Variants in IL1RAP observed in about 807,000 individuals in gnomAD.
The protein encoded by IL1RAP is interleukin 1 receptor accessory protein, also known as interleukin-1 receptor accessory protein.
IL1RAP carries 35 observed loss-of-function variants against 60.7 expected under a neutral mutation model. The observed-to-expected ratio is 0.58, with a 90% CI of 0.44 to 0.76. The LOEUF (loss-of-function observed/expected upper bound fraction) is 0.76, where lower values mean the gene tolerates loss of function less well. IL1RAP is among the 30% of genes least tolerant of loss of function. IL1RAP has a pLI of 0.00. For synonymous variants in IL1RAP, 268 were observed against 250.9 expected, an observed-to-expected ratio of 1.07 and a Z score of -0.64; for missense variants, 572 against 693.9, an observed-to-expected ratio of 0.82 and a Z score of 1.97.
intron 3 of IL1RAP, among the ~76,000 whole-genome samples, chr3:190,574,006 A>G (rs1230819948): frequency 1.3e-5 from 2 of 152,186 alleles, no homozygotes; most frequent in Non-Finnish European, 2.9e-5. Flanking sequence ...TAATATCACT[A>G]TAGAAGTAAG....
Position 190,573,184 on chromosome 3 carries a change from A to T in IL1RAP, c.64+8831A>T, listed in dbSNP as rs1343545400. Among the ~76,000 whole-genome samples the T allele has an allele frequency of 2.0e-5, 3 of 152,230 alleles. No individual in the cohort carries two copies. In the East Asian group the frequency reaches 5.8e-4, roughly 29 times the overall value. On this transcript the variant is annotated intron_variant, in intron 3 of 11. Transcript: ENST00000447382. Reference sequence around the variant, plus strand: ...AATCAGGATACTTTTATTCTGAAAAAAAGTGTACAGCAGAGATGGTGGAGA... The same window carrying T: ...AATCAGGATACTTTTATTCTGAAAATAAGTGTACAGCAGAGATGGTGGAGA...
intron 1 of IL1RAP, among the ~76,000 whole-genome samples, chr3:190,514,566 T>G (rs1183763351): frequency 6.9e-6 from 1 of 144,132 alleles, no homozygotes; most frequent in Non-Finnish European, 1.5e-5. Flanking sequence ...ATCTCCTCCT[T>G]GGTTTCTCCA....
intron 3 of IL1RAP, among the ~76,000 whole-genome samples, chr3:190,572,142 A>G (rs1410853867): frequency 2.0e-5 from 3 of 152,204 alleles, no homozygotes; most frequent in Admixed American, 2.0e-4. Flanking sequence ...ACCTGAGTTA[A>G]CCTGAATGCC....
chr3:190,586,318 T>C (rs1317827316), intron 3 of IL1RAP, among the ~76,000 whole-genome samples: 1 of 152,246 alleles, frequency 6.6e-6, no homozygotes, highest in East Asian at 1.9e-4. Flanking sequence ...CGTTGGAGCC[T>C]AACATAAACT....
chr3:190,576,005 A>C (rs1330711468), intron 3 of IL1RAP, among the ~76,000 whole-genome samples: 1 of 152,234 alleles, frequency 6.6e-6, no homozygotes, highest in African/African-American at 2.4e-5. Context: ...CCAGGGTAAC[A>C]TCCAGAGTCA....
At chr3:190,580,527 A>AATAAT (rs1302309030) in intron 3 of IL1RAP, among the ~76,000 whole-genome samples, 1 of 152,236 alleles carries the variant, frequency 6.6e-6, no homozygotes, top group African/African-American at 2.4e-5. Flanking sequence ...CATTATGCTA[A>AATAAT]GTTAAATAAG....
intron 3 of IL1RAP, among the ~76,000 whole-genome samples, chr3:190,567,841 TA>T (rs1726553862): frequency 6.6e-6 from 1 of 152,166 alleles, no homozygotes; most frequent in Non-Finnish European, 1.5e-5. Flanking sequence ...ATTATAGTAT[TA>T]AATATTTTCA....
chr3:190,569,560 G>A (rs1726728571), intron 3 of IL1RAP, among the ~76,000 whole-genome samples: 1 of 150,950 alleles, frequency 6.6e-6, no homozygotes, highest in African/African-American at 2.4e-5. Flanking sequence ...TTTAAATGAT[G>A]CCTCTCGGAA....
chr3:190,604,507 G>A, intron 4 of IL1RAP, 94 bp downstream of exon 4: 6 of 1,319,532 alleles, frequency 4.5e-6, no homozygotes, highest in Non-Finnish European at 6.2e-6. Flanking sequence ...GGGAGAAGTC[G>A]GAAGCATTTA....
At chr3:190,575,152 T>G (rs972243004) in intron 3 of IL1RAP, among the ~76,000 whole-genome samples, 2 of 152,196 alleles carry the variant, frequency 1.3e-5, no homozygotes, top group African/African-American at 4.8e-5. Flanking sequence ...AGGTTGGTCC[T>G]TCATGATTAG....
At position 190,514,144 on chromosome 3, in the gene IL1RAP, C is replaced by G. The variant is rs1721290095; in HGVS notation, c.-164C>G. On this transcript the variant is annotated 5_prime_UTR_variant, in exon 1 of 12. Coordinates refer to ENST00000447382, the MANE Select transcript of IL1RAP (RefSeq NM_002182.4). ...CCGGGGTCCGCTTTGGCCAGAGGCG[C>G]GGAAGGAAGCAGTGCCCGGCGACAC... 6.6e-6 allele frequency: 1 copy of G among 152,228 alleles called. No individual in the cohort carries two copies. The highest frequency in any genetic ancestry group is 1.5e-5 in the Non-Finnish European group (1 of 68,084). The allele number at this position is 152,228 out of a possible 1,614,324, so 9.4% of individuals were successfully genotyped here. A position where few individuals can be genotyped will look rare whatever the true frequency, so the allele number is the denominator to read the frequency against.
At chr3:190,552,630 T>C (rs1270548981) in intron 1 of IL1RAP, among the ~76,000 whole-genome samples, 1 of 152,076 alleles carries the variant, frequency 6.6e-6, no homozygotes, top group African/African-American at 2.4e-5. Context: ...AAAACACATA[T>C]ACAACTACAC....
chr3:190,533,783 G>T (rs983778410), intron 1 of IL1RAP, among the ~76,000 whole-genome samples: 46 of 152,192 alleles, frequency 3.0e-4, no homozygotes, highest in African/African-American at 1.1e-3. Context: ...CCTCTTACAG[G>T]AATGATGACA....
chr3:190,592,068 GGAGT>G (rs1392414779), intron 3 of IL1RAP, among the ~76,000 whole-genome samples: 1 of 152,226 alleles, frequency 6.6e-6, no homozygotes, highest in Non-Finnish European at 1.5e-5. Context: ...CTCCCAGGCT[GGAGT>G]GCAGTGGTGC....
intron 9 of IL1RAP, among the ~76,000 whole-genome samples, chr3:190,638,883 G>T (rs568968588): frequency 1.2e-3 from 179 of 152,136 alleles, no homozygotes; most frequent in African/African-American, 4.1e-3. Flanking sequence ...AGGATATGTT[G>T]AAAGTGTATC....
At chr3:190,544,375 A>C (rs923203711) in intron 1 of IL1RAP, among the ~76,000 whole-genome samples, 1 of 152,190 alleles carries the variant, frequency 6.6e-6, no homozygotes, top group African/African-American at 2.4e-5. Flanking sequence ...ATCATACTTA[A>C]ATCCACCAGC....
intron 6 of IL1RAP, among the ~76,000 whole-genome samples, chr3:190,622,222 A>G (rs1164131764): frequency 2.0e-5 from 3 of 152,248 alleles, no homozygotes; most frequent in Non-Finnish European, 4.4e-5. Context: ...AAGCTTTGCT[A>G]AGCAATCCGA....
chr3:190,621,305 T>C (rs1343581435), intron 6 of IL1RAP, among the ~76,000 whole-genome samples: 1 of 152,208 alleles, frequency 6.6e-6, no homozygotes, highest in Non-Finnish European at 1.5e-5. Flanking sequence ...TGACATGATT[T>C]AGTATAAGTT....
In IL1RAP at chr3:190,629,607, G is replaced by A; in HGVS notation, c.1051+109G>A. The A allele has an allele frequency of 3.5e-6, 5 of 1,440,482 alleles. No homozygotes were observed. The South Asian group carries it at 4.8e-5, about 14-fold the overall frequency. 89.2% of individuals were successfully genotyped at this position (1,440,482 alleles called of 1,614,324 possible). A position where few individuals can be genotyped will look rare whatever the true frequency, so the allele number is the denominator to read the frequency against. Reference sequence around the variant, plus strand: ...GAGAGCTCCAGCACCTAGCCCGACGGCATCTAACCCATAGTAATGAATCAA... The same window carrying A: ...GAGAGCTCCAGCACCTAGCCCGACGACATCTAACCCATAGTAATGAATCAA... On this transcript the variant is annotated intron_variant, in intron 9 of 11. Transcript: ENST00000447382.
Sources: gnomAD v4.1 joint callset for allele counts (sites outside exome capture counted in the v4.1 genomes callset) on GRCh38, gnomAD v4.1.1 for gene constraint, MANE v1.5 for transcripts, NCBI Gene and HGNC (gene_info 2026-07-23, HGNC 2026-07-21) for gene names.